Variants in NCALD observed in about 807,000 individuals in gnomAD.
The protein encoded by NCALD is neurocalcin delta, also known as neurocalcin-delta.
In NCALD, 10 loss-of-function variants were observed where a neutral mutation model predicts 18.6. The observed-to-expected ratio is 0.54, with a 90% CI of 0.33 to 0.91. The LOEUF (loss-of-function observed/expected upper bound fraction) is 0.91. NCALD is among the 40% of genes least tolerant of loss of function. NCALD has a pLI of 0.03. For missense variants in NCALD, 184 were observed against 247.6 expected (o/e 0.74, Z 1.72); for synonymous variants, 88 against 87.4 (o/e 1.01, Z -0.04).
chr8:101,910,687 T>A (rs775154878), intron 3 of NCALD, among the ~76,000 whole-genome samples: 1 of 152,206 alleles, frequency 6.6e-6, no homozygotes, highest in Non-Finnish European at 1.5e-5. Flanking sequence ...CTAGTGGTTG[T>A]TCTATTCCCA....
At chr8:101,773,157 C>T (rs1406598191) in intron 1 of NCALD, among the ~76,000 whole-genome samples, 2 of 152,098 alleles carry the variant, frequency 1.3e-5, no homozygotes, top group Non-Finnish European at 2.9e-5. Context: ...AATCAAGAAG[C>T]CTCCCTTGAT....
intron 3 of NCALD, among the ~76,000 whole-genome samples, chr8:101,903,989 C>T (rs1817525198): frequency 6.6e-6 from 1 of 152,194 alleles, no homozygotes; most frequent in Admixed American, 6.5e-5. Context: ...CCAAAATGCC[C>T]ACTCCTGCGC....
intron 1 of NCALD, chr8:101,721,472 A>G (rs1178206876): frequency 6.6e-6 from 1 of 152,244 alleles, no homozygotes; most frequent in East Asian, 1.9e-4. Flanking sequence ...AAGGAGGCTC[A>G]CTGCCAGAAG....
intron 1 of NCALD, among the ~76,000 whole-genome samples, chr8:102,106,904 C>T (rs1041039465): frequency 6.6e-6 from 1 of 152,020 alleles, no homozygotes; most frequent in African/African-American, 2.4e-5. Flanking sequence ...TCTCCTATGA[C>T]ACTTCCTGTG....
rs1239513878 is a variant in NCALD, at chr8:102,116,257, T to TAAACAA, written c.-210+7974_-210+7979dup. 6.5e-4 allele frequency among the ~76,000 whole-genome samples: 97 copies of TAAACAA among 149,068 alleles called. 1 individual carries two copies. The highest frequency in any genetic ancestry group is 2.2e-3 in the African/African-American group (89 of 40,722). On this transcript the variant is annotated intron_variant, in intron 1 of 6. Coordinates refer to the NCALD transcript ENST00000311028. ...ATGTACCCTAGAACTTAAAGTATAA[T>TAAACAA]AAACAAAAACAAAAACAAAAACAAA...
intron 4 of NCALD, among the ~76,000 whole-genome samples, chr8:101,814,715 A>G (rs1813428956): frequency 6.6e-6 from 1 of 152,074 alleles, no homozygotes; most frequent in Non-Finnish European, 1.5e-5. Context: ...AGGAAAGCCA[A>G]AAGAATCAAA....
intron 4 of NCALD, among the ~76,000 whole-genome samples, chr8:101,823,763 C>G (rs1477926587): frequency 6.6e-6 from 1 of 152,136 alleles, no homozygotes; most frequent in Admixed American, 6.5e-5. Flanking sequence ...GAGGAAGCCA[C>G]GCAATTCTCT....
chr8:101,870,185 C>A (rs1398949602), intron 4 of NCALD, among the ~76,000 whole-genome samples: 1 of 152,154 alleles, frequency 6.6e-6, no homozygotes, highest in Admixed American at 6.5e-5. Context: ...ACTTCACATA[C>A]TTAAAAATTT....
At chr8:101,973,643 G>A (rs1346374831) in intron 2 of NCALD, among the ~76,000 whole-genome samples, 1 of 152,138 alleles carries the variant, frequency 6.6e-6, no homozygotes, top group Non-Finnish European at 1.5e-5. Context: ...CTGGTGGTGG[G>A]TTCACACAGA....
In NCALD at chr8:101,775,935, G is replaced by A. The variant is rs139852907; in HGVS notation, c.-20+14927C>T. ...AACTGAGAATATCCTGTCTTATACTGTCACACTTCTAATGCTAGTGGCTTC... is the reference window on the plus strand; with the variant it reads ...AACTGAGAATATCCTGTCTTATACTATCACACTTCTAATGCTAGTGGCTTC... On this transcript the variant is annotated intron_variant, in intron 1 of 3. Transcript: ENST00000220931. 3.5e-3 allele frequency among the ~76,000 whole-genome samples: 534 copies of A among 152,254 alleles called. 5 individuals carry two copies. Among genetic ancestry groups the A allele is most frequent in the African/African-American group, 0.012 (514 of 41,548 alleles).
chr8:102,019,153 A>T (rs1822187793), intron 2 of NCALD, among the ~76,000 whole-genome samples: 1 of 152,102 alleles, frequency 6.6e-6, no homozygotes. Flanking sequence ...GCCAATTAAT[A>T]TATGAAATGG....
rs115184838 is a variant in NCALD, at chr8:101,719,270, C to T, written c.360G>A (p.Glu120=). The T allele has an allele frequency of 1.7e-4, 271 of 1,613,920 alleles. No individual in the cohort carries two copies. The African/African-American group carries it at 3.3e-3, about 20-fold the overall frequency. The change falls in exon 2 of 4, where the codon GAG becomes GAA. Residue 120 remains glutamate, a synonymous_variant. Coordinates refer to ENST00000220931, the MANE Select transcript of NCALD (RefSeq NM_032041.3). ...LDGNGYISKA[E]MLEIVQAIYK... is the part of the protein sequence containing the mutation. ...TACGTACCTGCACGATCTCTAGCAT[C>T]TCTGCCTTGCTGATATAGCCATTTC...
chr8:101,849,569 C>T lies in NCALD; in HGVS notation c.-20+37572G>A, dbSNP rs140602964. 1.3e-4 allele frequency among the ~76,000 whole-genome samples: 20 copies of T among 151,970 alleles called. No individual in the cohort carries two copies. In the East Asian group the frequency reaches 2.9e-3, roughly 22 times the overall value. ...GTCTTCATTTCCCTGCCCATTTTTC[C>T]GATAGGAAACCAGAAAGACACAAAA... On this transcript the variant is annotated intron_variant, in intron 4 of 6. Transcript: ENST00000311028.
At chr8:102,036,709 A>G (rs1822877772) in intron 1 of NCALD, among the ~76,000 whole-genome samples, 1 of 152,158 alleles carries the variant, frequency 6.6e-6, no homozygotes, top group South Asian at 2.1e-4. Flanking sequence ...CTGGAGGCAG[A>G]GGCAGCAGTG....
intron 1 of NCALD, among the ~76,000 whole-genome samples, chr8:101,723,725 C>T (rs894179679): frequency 7.2e-5 from 11 of 152,068 alleles, no homozygotes; most frequent in East Asian, 1.9e-4. Flanking sequence ...TTTTTAATCA[C>T]GGGAATGGCC....
At position 101,710,356 on chromosome 8, in the gene NCALD, G is replaced by A. The variant is rs75871906; in HGVS notation, c.378+8896C>T. 6.1e-3 allele frequency among the ~76,000 whole-genome samples: 934 copies of A among 152,122 alleles called. 12 individuals are homozygous for A. The highest frequency in any genetic ancestry group is 0.021 in the African/African-American group (874 of 41,418). On this transcript the variant is annotated intron_variant, in intron 2 of 3. Coordinates refer to ENST00000220931, the MANE Select transcript of NCALD (RefSeq NM_032041.3). Reference sequence around the variant, plus strand: ...GGAGGGCCATTTGGGCAGACAACACGCTAGCTGCAGATGTTTTTTTTTGTA... The same window carrying A: ...GGAGGGCCATTTGGGCAGACAACACACTAGCTGCAGATGTTTTTTTTTGTA...
chr8:102,013,934 T>A (rs919302396), intron 2 of NCALD, among the ~76,000 whole-genome samples: 2 of 152,194 alleles, frequency 1.3e-5, no homozygotes, highest in Non-Finnish European at 2.9e-5. Context: ...AATAACAAGA[T>A]ACTCAAAGTC....
chr8:101,724,836 A>G (rs1816503332), intron 1 of NCALD, among the ~76,000 whole-genome samples: 1 of 152,228 alleles, frequency 6.6e-6, no homozygotes, highest in African/African-American at 2.4e-5. Context: ...CAGTGGTTTT[A>G]GCCCTATGCT....
intron 4 of NCALD, among the ~76,000 whole-genome samples, chr8:101,860,791 A>G (rs1815508661): frequency 6.6e-6 from 1 of 152,138 alleles, no homozygotes; most frequent in Non-Finnish European, 1.5e-5. Flanking sequence ...ATCTTACACT[A>G]TAAGGAGATT....
Sources: gnomAD v4.1 joint callset for allele counts (sites outside exome capture counted in the v4.1 genomes callset) on GRCh38, gnomAD v4.1.1 for gene constraint, MANE v1.5 for transcripts, NCBI Gene and HGNC (gene_info 2026-07-23, HGNC 2026-07-21) for gene names.